The following CSRP1 variants were observed in gnomAD, a reference collection of about 807,000 sequenced individuals.
The protein encoded by CSRP1 is cysteine and glycine rich protein 1.
Under a neutral mutation model 25.4 loss-of-function variants are expected in CSRP1, and 16 were observed. The observed-to-expected ratio is 0.63, with a 90% CI of 0.43 to 0.96. CSRP1 has a LOEUF of 0.96. Ranked by LOEUF, CSRP1 falls within the 40% of genes least tolerant of loss-of-function variation. The pLI is 0.00. For synonymous variants in CSRP1, 97 were observed against 95.3 expected (o/e 1.02, Z -0.10); for missense variants, 212 against 243.6 (o/e 0.87, Z 0.86).
Position 201,484,424 on chromosome 1 carries a change from G to A in CSRP1, c.*289C>T. ...CACGCAGCACAGGAGGCTAAGAACA[G>A]AGCTCTGTGGGGCGAGGTGTGGGGA... On this transcript the variant is annotated 3_prime_UTR_variant, in exon 6 of 6. Transcript: ENST00000340006. 1 of 530,572 alleles carries A rather than the reference G, an allele frequency of 1.9e-6. No individual in the cohort carries two copies. The highest frequency in any genetic ancestry group is 3.4e-6 in the Non-Finnish European group (1 of 296,930). The allele number at this position is 530,572 out of a possible 1,614,324, so 32.9% of individuals were successfully genotyped here.
chr1:201,485,240 C>G (rs757355634), intron 5 of CSRP1, 43 bp downstream of exon 5: 2 of 1,573,684 alleles, frequency 1.3e-6, no homozygotes, highest in Non-Finnish European at 8.7e-7. Context: ...CCCCCCTACC[C>G]CCTTGGGCCT....
rs780279874 is a variant in CSRP1 at position 201,490,347 on chromosome 1, G to A, written c.113-3C>T. 2.7e-5 allele frequency: 44 copies of A among 1,612,998 alleles called. No individual in the cohort carries two copies. The highest frequency in any genetic ancestry group is 3.3e-5 in the Non-Finnish European group (39 of 1,179,260). ...GTCCAGATTCTTCTTGCAGACCACT[G>A]TGGAGGGGAAGGGGAAGCGGACGCA... On this transcript the variant is annotated splice_region_variant and splice_polypyrimidine_tract_variant and intron_variant, in intron 2 of 5. Transcript: ENST00000340006.
chr1:201,503,370 A>G (rs1207955234), intron 1 of CSRP1, among the ~76,000 whole-genome samples: 4 of 152,226 alleles, frequency 2.6e-5, no homozygotes. Flanking sequence ...TTACAAGTTA[A>G]AACACATTAG....
chr1:201,488,872 C>A lies in CSRP1; in HGVS notation c.394G>T (p.Val132Leu), dbSNP rs1339294543. 4 of 1,613,994 alleles carry A rather than the reference C, an allele frequency of 2.5e-6. No individual in the cohort carries two copies. Among genetic ancestry groups the A allele is most frequent in the Middle Eastern group, 3.3e-4 (2 of 6,082 alleles). Residue 132 changes from valine (V) to leucine (L), a missense_variant, in exon 4 of 6, where the codon GTG becomes TTG. Coordinates refer to ENST00000340006, the MANE Select transcript of CSRP1 (RefSeq NM_004078.3). ...CACCTTACCTTCCCAGCACCAATCACCTTCTCCGCAGCATAGACTGCCTGG... is the reference window on the plus strand; with the variant it reads ...CACCTTACCTTCCCAGCACCAATCAACTTCTCCGCAGCATAGACTGCCTGG... ...CSQAVYAAEK[V>L]IGAGKSWHKA...
chr1:201,506,074 A>T (rs1664815634), intron 1 of CSRP1, among the ~76,000 whole-genome samples: 1 of 152,218 alleles, frequency 6.6e-6, no homozygotes, highest in South Asian at 2.1e-4. Flanking sequence ...GTCCAAGGAA[A>T]CCTGCGCGTT....
chr1:201,490,462 C>CAGGATA, intron 2 of CSRP1, 118 bp from the exon 3 acceptor site: 1 of 1,023,180 alleles, frequency 9.8e-7, no homozygotes, highest in Non-Finnish European at 1.4e-6. Flanking sequence ...ATATCCTGAT[C>CAGGATA]TTTCAGGAAC....
chr1:201,496,672 G>C (rs1664525372), intron 1 of CSRP1: 1 of 233,016 alleles, frequency 4.3e-6, no homozygotes, highest in African/African-American at 2.2e-5. Context: ...GGATCTCAAA[G>C]AGAATGTGGA....
At chr1:201,494,231 G>T (rs1023344654) in intron 2 of CSRP1, among the ~76,000 whole-genome samples, 17 of 151,706 alleles carry the variant, frequency 1.1e-4, no homozygotes, top group African/African-American at 4.1e-4. Context: ...CCCTCTGACC[G>T]ACTACTCCTC....
rs1303730649 is a variant in CSRP1, at chr1:201,484,047, G to A, written c.*666C>T. On this transcript the variant is annotated 3_prime_UTR_variant, in exon 6 of 6. Coordinates refer to ENST00000340006, the MANE Select transcript of CSRP1 (RefSeq NM_004078.3). ...GTTTGAGAAGATCAAACAACATCCTGACTTTGGGGTCCTTAAGACCTGGGT... is the reference window on the plus strand; with the variant it reads ...GTTTGAGAAGATCAAACAACATCCTAACTTTGGGGTCCTTAAGACCTGGGT... 2 of 696,350 alleles carry A rather than the reference G, an allele frequency of 2.9e-6. No individual in the cohort carries two copies. The highest frequency in any genetic ancestry group is 2.6e-6 in the Non-Finnish European group (1 of 380,106). The allele number at this position is 696,350 out of a possible 1,614,324, so 43.1% of individuals were successfully genotyped here.
intron 5 of CSRP1, 42 bp downstream of exon 5, chr1:201,485,241 C>A (rs202028906): frequency 1.0e-4 from 161 of 1,580,020 alleles, no homozygotes; most frequent in Non-Finnish European, 1.3e-4. Context: ...CCCCCTACCC[C>A]CTTGGGCCTC....
intron 4 of CSRP1, chr1:201,486,469 C>T (rs1571772972): frequency 3.0e-6 from 3 of 985,478 alleles, no homozygotes; most frequent in African/African-American, 1.7e-5. Flanking sequence ...CCTCAGATTT[C>T]CTGGTTGCCT....
chr1:201,502,781 T>C (rs978851395), intron 1 of CSRP1, among the ~76,000 whole-genome samples: 9 of 152,138 alleles, frequency 5.9e-5, no homozygotes, highest in Admixed American at 5.2e-4. Flanking sequence ...GGGCGGTATA[T>C]GTCTCTCCCT....
At chr1:201,486,536 GTCAGT>G (rs1172953058) in intron 4 of CSRP1, 2 of 986,372 alleles carry the variant, frequency 2.0e-6, no homozygotes, top group African/African-American at 3.5e-5. Flanking sequence ...CTGGGTCTAG[GTCAGT>G]GCTGGTGCAA....
At chr1:201,489,031 A>C (rs1223972981) in intron 3 of CSRP1, 47 bp from the exon 4 acceptor site, 1 of 1,608,392 alleles carries the variant, frequency 6.2e-7, no homozygotes, top group Admixed American at 1.7e-5. Context: ...CTGTAAGTAC[A>C]GGTGGGGCTG....
At chr1:201,486,844 C>T in intron 4 of CSRP1, 3 of 1,200,576 alleles carry the variant, frequency 2.5e-6, no homozygotes, top group Non-Finnish European at 3.2e-6. Context: ...CCTAACTTTA[C>T]CTTATAGCCT....
At chr1:201,499,374 A>AT (rs1384921442) in intron 1 of CSRP1, among the ~76,000 whole-genome samples, 1 of 152,204 alleles carries the variant, frequency 6.6e-6, no homozygotes, top group Non-Finnish European at 1.5e-5. Flanking sequence ...AACCATGGAG[A>AT]TTCCATTCCC....
chr1:201,493,883 C>A lies in CSRP1; in HGVS notation c.112+2309G>T, dbSNP rs1664417502. ...AAATGATGTGCCTTCCATTCATAAA[C>A]AAATCTTTGTCAGGAACCCACTTTG... On this transcript the variant is annotated intron_variant, in intron 2 of 5. Transcript: ENST00000340006. 2.0e-5 allele frequency among the ~76,000 whole-genome samples: 3 copies of A among 152,336 alleles called. No individual in the cohort carries two copies. In the South Asian group the frequency reaches 6.2e-4, roughly 32 times the overall value.
chr1:201,504,916 T>C (rs1049958281), intron 1 of CSRP1, among the ~76,000 whole-genome samples: 1 of 151,996 alleles, frequency 6.6e-6, no homozygotes, highest in South Asian at 2.1e-4. Flanking sequence ...CTGGCCAACA[T>C]GGCGAAATGC....
chr1:201,490,673 C>A, intron 2 of CSRP1: 1 of 209,992 alleles, frequency 4.8e-6, no homozygotes, highest in Non-Finnish European at 9.7e-6. Flanking sequence ...CTAGGCTGAC[C>A]CCAAGCCACA....
Sources: allele counts gnomAD v4.1 joint callset (sites outside exome capture counted in the v4.1 genomes callset), GRCh38; gene constraint gnomAD v4.1.1; transcripts MANE v1.5; gene names NCBI Gene and HGNC (gene_info 2026-07-23, HGNC 2026-07-21).